Variants in TLE6 observed in about 807,000 individuals in gnomAD.
The protein encoded by TLE6 is transducin-like enhancer protein 6.
A neutral mutation model predicts 77.1 loss-of-function variants in TLE6; 72 were observed. That is an observed-to-expected ratio of 0.93 (90% CI 0.77 to 1.14). The LOEUF (loss-of-function observed/expected upper bound fraction) is 1.14. TLE6 is among the 50% of genes most tolerant of loss of function. The pLI, the probability that TLE6 is intolerant of heterozygous loss-of-function variation, is 0.00. For synonymous variants in TLE6, 366 were observed against 287.3 expected (o/e 1.27, Z -2.77); for missense variants, 843 against 747.6 (o/e 1.13, Z -1.49).
intron 8 of TLE6, 38 bp downstream of exon 8, chr19:2,987,410 C>T: frequency 2.5e-6 from 4 of 1,612,514 alleles, no homozygotes; most frequent in Non-Finnish European, 3.4e-6. Context: ...GAGGGGTGGG[C>T]TTCCGGGCAG....
chr19:2,988,819 GTTC>G lies in TLE6; in HGVS notation c.741-238_741-236del, dbSNP rs2145048744. The G allele has an allele frequency of 5.0e-6, 3 of 597,228 alleles. No individual in the cohort carries two copies. In the South Asian group the frequency reaches 6.3e-5, roughly 12 times the overall value. The allele number at this position is 597,228 out of a possible 1,614,324, so 37.0% of individuals were successfully genotyped here. ...CTAGGACCATAAAGGATGAATAGGAGTTCTTCCTCCTGGGGCAAAGCAGTCTAG... is the reference window on the plus strand; with the variant it reads ...CTAGGACCATAAAGGATGAATAGGAGTTCCTCCTGGGGCAAAGCAGTCTAG... On this transcript the variant is annotated intron_variant, in intron 11 of 16. Coordinates refer to ENST00000246112, the MANE Select transcript of TLE6 (RefSeq NM_001143986.2).
At chr19:2,984,345 C>T (rs1372588303) in intron 5 of TLE6, 1 of 151,208 alleles carries the variant, frequency 6.6e-6, no homozygotes, top group African/African-American at 2.4e-5. Context: ...TGGAGTCCCC[C>T]CCCCCCCGCG....
At position 2,991,906 on chromosome 19, in the gene TLE6, T is replaced by TGGG; in HGVS notation, c.1311_1313dup (p.Gly438dup). 2 of 1,613,682 alleles carry TGGG rather than the reference T, an allele frequency of 1.2e-6. No individual in the cohort carries two copies. Among genetic ancestry groups the TGGG allele is most frequent in the Non-Finnish European group, 1.7e-6 (2 of 1,179,828 alleles). Reference sequence around the variant, plus strand: ...TGGTCAAGGGCTACAACATCTGGACTGGGGGTCCGGATGCCTGTCTGCGGT... The same window carrying TGGG: ...TGGTCAAGGGCTACAACATCTGGACTGGGGGGGGTCCGGATGCCTGTCTGCGGT... On this transcript the variant is annotated inframe_insertion, in exon 14 of 17. Transcript: ENST00000246112.
intron 14 of TLE6, among the ~76,000 whole-genome samples, chr19:2,993,040 A>C (rs1026831289): frequency 2.0e-5 from 3 of 149,664 alleles, no homozygotes; most frequent in South Asian, 2.1e-4. Context: ...AAAAAAAAAA[A>C]AAAAAAAAAA....
At position 2,989,549 on chromosome 19, in the gene TLE6, C is replaced by T. The variant is rs182608246; in HGVS notation, c.1008C>T (p.Phe336=). 7 of 1,612,386 alleles carry T rather than the reference C, an allele frequency of 4.3e-6. No homozygotes were observed. In the Admixed American group the frequency reaches 1.0e-4, roughly 23 times the overall value. The change falls in exon 13 of 17, where the codon TTC becomes TTT. Residue 336 remains phenylalanine, a synonymous_variant. Transcript: ENST00000246112. ...GCCCATCCCAGACCCCTGGGGCCTT[C>T]CTGCGCACCTGCCTGCTGTCCTCAA... The part of the protein sequence containing the change: ...SHLPIQTPGA[F]LRTCLLSSNS...
intron 11 of TLE6, 126 bp downstream of exon 11, chr19:2,988,254 C>G: frequency 1.9e-6 from 2 of 1,056,514 alleles, no homozygotes; most frequent in Non-Finnish European, 2.7e-6. Flanking sequence ...CTTTTCCCAT[C>G]ACTACTCTGC....
chr19:2,995,105 T>G lies in TLE6; in HGVS notation c.*101T>G. 2 of 746,490 alleles carry G rather than the reference T, an allele frequency of 2.7e-6. No homozygotes were observed. The highest frequency in any genetic ancestry group is 4.4e-6 in the Non-Finnish European group (2 of 450,476). 46.2% of individuals were successfully genotyped at this position (746,490 alleles called of 1,614,324 possible). Reference sequence around the variant, plus strand: ...TGGTGGAGGGAAGCGGGAAGGCTCTTCTGTGGCATCGCACGATCTAGTCTG... The same window carrying G: ...TGGTGGAGGGAAGCGGGAAGGCTCTGCTGTGGCATCGCACGATCTAGTCTG... On this transcript the variant is annotated 3_prime_UTR_variant, in exon 17 of 17. Transcript: ENST00000246112.
At chr19:2,987,526 C>G in intron 8 of TLE6, 154 bp downstream of exon 8, 1 of 1,210,634 alleles carries the variant, frequency 8.3e-7, no homozygotes, top group East Asian at 2.4e-5. Flanking sequence ...ATCCAGGAGG[C>G]TATACTGGAG....
rs1051073942 is a variant in TLE6 at position 2,995,065 on chromosome 19, C to CA, written c.*61_*62insA. 3.9e-6 allele frequency: 4 copies of CA among 1,025,532 alleles called. No homozygotes were observed. The highest frequency in any genetic ancestry group is 5.9e-6 in the Non-Finnish European group (4 of 683,604). The allele number at this position is 1,025,532 out of a possible 1,614,324, so 63.5% of individuals were successfully genotyped here. Reference sequence around the variant, plus strand: ...TTTTCATCCCCCCCCTTCCCCCCCCCCAACAAGGGGGACATGGTGGAGGGA... The same window carrying CA: ...TTTTCATCCCCCCCCTTCCCCCCCCCACAACAAGGGGGACATGGTGGAGGGA... On this transcript the variant is annotated 3_prime_UTR_variant, in exon 17 of 17. Transcript: ENST00000246112.
chr19:2,994,852 G>A (rs2089173454), intron 16 of TLE6, 48 bp from the exon 17 acceptor site: 2 of 1,094,764 alleles, frequency 1.8e-6, no homozygotes, highest in Non-Finnish European at 2.7e-6. Flanking sequence ...TGGAGACCAG[G>A]GGTGTGTGAG....
chr19:2,980,756 AAAG>A (rs1327205222), intron 3 of TLE6, among the ~76,000 whole-genome samples: 2 of 150,626 alleles, frequency 1.3e-5, no homozygotes, highest in African/African-American at 4.9e-5. Flanking sequence ...AAAAAAAAAA[AAAG>A]TACTGCATGG....
Position 2,989,753 on chromosome 19 carries a change from G to T in TLE6, c.1212G>T (p.Arg404Ser). 1 of 1,614,226 alleles carries T rather than the reference G, an allele frequency of 6.2e-7. No individual in the cohort carries two copies. The highest frequency in any genetic ancestry group is 8.5e-7 in the Non-Finnish European group (1 of 1,180,052). The part of the protein sequence containing the change: ...AFASFTSGVV[R>S]IWDLRDQSVV... ...CCAGCTTCACCAGTGGTGTGGTCAG[G>T]ATCTGGGACCTGCGGGATCAGAGTG... The change falls in exon 13 of 17, where the codon AGG becomes AGT. Residue 404 changes from arginine to serine, a missense_variant. Arg to Ser is a moderately radical substitution (Grantham distance 110). Transcript: ENST00000246112.
Position 2,995,008 on chromosome 19 carries a change from G to A in TLE6, c.*4G>A, listed in dbSNP as rs377025257. ...CGTGTACCAGATCACCTACTGAGGG[G>A]CCTCGCTGCTGTCATCCCACTCCGG... On this transcript the variant is annotated 3_prime_UTR_variant, in exon 17 of 17. Transcript: ENST00000246112. 1.9e-6 allele frequency: 3 copies of A among 1,589,722 alleles called. No homozygotes were observed. Among genetic ancestry groups the A allele is most frequent in the Admixed American group, 1.7e-5 (1 of 58,106 alleles).
rs759491630 is a variant in TLE6, at chr19:2,989,795, G to C, written c.1244+10G>C. 10 of 1,608,624 alleles carry C rather than the reference G, an allele frequency of 6.2e-6. No homozygotes were observed. Among genetic ancestry groups the C allele is most frequent in the African/African-American group, 1.3e-5 (1 of 74,882 alleles). On this transcript the variant is annotated intron_variant, in intron 13 of 16. Transcript: ENST00000246112. ...ATCAGAGTGTGGTCAGGTGCGTTTG[G>C]GGGGTGGGAAGGGGAAGCATCCTGT...
intron 13 of TLE6, among the ~76,000 whole-genome samples, chr19:2,990,913 A>G (rs1383215874): frequency 6.6e-6 from 1 of 151,328 alleles, no homozygotes; most frequent in East Asian, 1.9e-4. Flanking sequence ...AGGCAGGAGA[A>G]TCGCTTGAGA....
chr19:2,985,671 G>A (rs1298084601), intron 5 of TLE6, among the ~76,000 whole-genome samples: 3 of 147,708 alleles, frequency 2.0e-5, no homozygotes, highest in South Asian at 2.2e-4. Context: ...CGCCCGCCTC[G>A]GCCTCCCAGA....
intron 13 of TLE6, 126 bp downstream of exon 13, chr19:2,989,911 C>A: frequency 7.4e-7 from 1 of 1,353,176 alleles, no homozygotes; most frequent in South Asian, 1.4e-5. Context: ...ATAGCACTCT[C>A]CCAGCCAAAA....
intron 14 of TLE6, among the ~76,000 whole-genome samples, chr19:2,992,801 A>G (rs796179802): frequency 0.34 from 2,612 of 7,588 alleles, 280 homozygotes; most frequent in African/African-American, 0.42. Context: ...AAAGGGGGGG[A>G]GGCGGGTGGG....
chr19:2,991,375 C>T (rs867225887), intron 13 of TLE6, among the ~76,000 whole-genome samples: 10 of 52,866 alleles, frequency 1.9e-4, no homozygotes, highest in East Asian at 7.5e-4. Context: ...AAAAAAAATA[C>T]GTATATATAT....
Sources: allele counts gnomAD v4.1 joint callset (sites outside exome capture counted in the v4.1 genomes callset), GRCh38; gene constraint gnomAD v4.1.1; transcripts MANE v1.5; gene names NCBI Gene and HGNC (gene_info 2026-07-23, HGNC 2026-07-21).